The following MAN2A1 variants were observed in gnomAD, a reference collection of about 807,000 sequenced individuals.
MAN2A1 encodes the protein mannosidase alpha class 2A member 1, also known as alpha-mannosidase 2.
Under a neutral mutation model 142.6 loss-of-function variants are expected in MAN2A1, and 76 were observed. The observed-to-expected ratio is 0.53, with a 90% confidence interval of 0.44 to 0.65. The LOEUF (loss-of-function observed/expected upper bound fraction) is 0.65, where lower values mean the gene tolerates loss of function less well. Among genes scored for constraint, MAN2A1 ranks in the 30% least tolerant of loss-of-function variants. MAN2A1 has a pLI of 0.00. For synonymous variants in MAN2A1, 559 were observed against 473.2 expected (o/e 1.18, Z -2.35); for missense variants, 1,311 against 1,365.1 (o/e 0.96, Z 0.62).
chr5:109,804,274 T>C, intron 12 of MAN2A1: 4 of 987,506 alleles, frequency 4.1e-6, no homozygotes, highest in Non-Finnish European at 3.6e-6. Context: ...CTCACAACTT[T>C]GTGGTAAAAG....
At chr5:109,774,709 C>T in intron 7 of MAN2A1, 79 bp from the exon 8 acceptor site, 23 of 1,055,052 alleles carry the variant, frequency 2.2e-5, no homozygotes, top group South Asian at 7.8e-5. Context: ...TGGTTATTTC[C>T]TTTTTAATCA....
At chr5:109,828,034 G>A (rs1055612838) in intron 16 of MAN2A1, among the ~76,000 whole-genome samples, 6 of 151,834 alleles carry the variant, frequency 4.0e-5, no homozygotes, top group Non-Finnish European at 1.5e-5. Context: ...CAACGCAGGA[G>A]GCGGAGGTTG....
intron 1 of MAN2A1, among the ~76,000 whole-genome samples, chr5:109,709,901 T>C (rs1751247950): frequency 6.6e-6 from 1 of 152,224 alleles, no homozygotes; most frequent in Non-Finnish European, 1.5e-5. Flanking sequence ...AAGTATTCTT[T>C]GACTTCTCAG....
chr5:109,857,510 C>T (rs964201847), intron 20 of MAN2A1, among the ~76,000 whole-genome samples: 3 of 152,128 alleles, frequency 2.0e-5, no homozygotes, highest in Non-Finnish European at 4.4e-5. Context: ...GGGCGGTCAC[C>T]ATCCCTTAGC....
chr5:109,850,489 C>T (rs1292731609), intron 19 of MAN2A1, among the ~76,000 whole-genome samples: 1 of 152,100 alleles, frequency 6.6e-6, no homozygotes, highest in Non-Finnish European at 1.5e-5. Context: ...GAATTAGTAT[C>T]CACTTTAGAT....
At chr5:109,759,518 T>G (rs1349915512) in intron 5 of MAN2A1, among the ~76,000 whole-genome samples, 2 of 152,172 alleles carry the variant, frequency 1.3e-5, no homozygotes, top group Admixed American at 6.5e-5. Context: ...TTTGGGTTGC[T>G]TTCAGTTTTG....
intron 10 of MAN2A1, among the ~76,000 whole-genome samples, chr5:109,786,303 A>G (rs1375657947): frequency 6.6e-6 from 1 of 151,968 alleles, no homozygotes; most frequent in African/African-American, 2.4e-5. Flanking sequence ...TTTAAAAGTG[A>G]GACTGCTTAG....
intron 19 of MAN2A1, chr5:109,853,518 G>C (rs1327494633): frequency 2.0e-5 from 3 of 152,192 alleles, no homozygotes; most frequent in Admixed American, 1.3e-4. Context: ...GAAGTGTTCT[G>C]GCTACTCACT....
intron 4 of MAN2A1, among the ~76,000 whole-genome samples, chr5:109,734,192 T>G (rs1196810072): frequency 6.6e-6 from 1 of 151,684 alleles, no homozygotes; most frequent in Non-Finnish European, 1.5e-5. Context: ...TGTATTTCTG[T>G]GGGATCGGTG....
At chr5:109,736,964 C>T (rs1045578762) in intron 4 of MAN2A1, among the ~76,000 whole-genome samples, 2 of 152,082 alleles carry the variant, frequency 1.3e-5, no homozygotes, top group Admixed American at 6.6e-5. Context: ...AACTGTACTA[C>T]TGTTTTCTTT....
chr5:109,855,297 A>C lies in MAN2A1; in HGVS notation c.3134A>C (p.Asp1045Ala), dbSNP rs1561544951. The C allele has an allele frequency of 6.3e-7, 1 of 1,599,408 alleles. No homozygotes were observed. The highest frequency in any genetic ancestry group is 8.5e-7 in the Non-Finnish European group (1 of 1,175,456). The change falls in exon 20 of 22, where the codon GAC becomes GCC. Residue 1045 changes from aspartate to alanine, a missense_variant. Physicochemically the swap from Asp to Ala is moderately radical, Grantham distance 126 (BLOSUM62 -2). Coordinates refer to ENST00000261483, the MANE Select transcript of MAN2A1 (RefSeq NM_002372.4). ...FSPLQSSLPC[D>A]IHLVNLRTIQ... ...CCATTACAGTCATCTTTGCCTTGTG[A>C]CATTCATCTGGTTAATTTGAGAACA...
At chr5:109,779,458 T>TAA (rs1753386442) in intron 8 of MAN2A1, among the ~76,000 whole-genome samples, 1 of 152,144 alleles carries the variant, frequency 6.6e-6, no homozygotes, top group African/African-American at 2.4e-5. Context: ...GTCACTCTTA[T>TAA]TATTTATACT....
At chr5:109,731,022 A>G (rs971731832) in intron 4 of MAN2A1, among the ~76,000 whole-genome samples, 7 of 152,192 alleles carry the variant, frequency 4.6e-5, no homozygotes, top group Admixed American at 3.9e-4. Flanking sequence ...CCTTTATAAT[A>G]TACTTCGTTA....
intron 8 of MAN2A1, among the ~76,000 whole-genome samples, 166 bp downstream of exon 8, chr5:109,775,131 A>G (rs6873160): frequency 0.61 from 92,747 of 152,014 alleles, 28,811 homozygotes; most frequent in East Asian, 0.93. Flanking sequence ...ATTATATGCT[A>G]TAGTTCCATA....
chr5:109,703,929 A>G (rs1751057739), intron 1 of MAN2A1, among the ~76,000 whole-genome samples: 1 of 152,166 alleles, frequency 6.6e-6, no homozygotes, highest in Non-Finnish European at 1.5e-5. Context: ...ATAGGGCCAT[A>G]TGGTTCTAAT....
At chr5:109,748,916 C>G (rs951968820) in intron 4 of MAN2A1, among the ~76,000 whole-genome samples, 42 of 151,492 alleles carry the variant, frequency 2.8e-4, no homozygotes, top group African/African-American at 9.9e-4. Context: ...TCCCTGCCTA[C>G]TAGATATTCT....
At chr5:109,811,088 G>A (rs1413374598) in intron 12 of MAN2A1, among the ~76,000 whole-genome samples, 1 of 149,862 alleles carries the variant, frequency 6.7e-6, no homozygotes, top group East Asian at 2.0e-4. Context: ...TTACTTCATT[G>A]TATTTTTCAG....
intron 12 of MAN2A1, among the ~76,000 whole-genome samples, chr5:109,806,790 C>A (rs1187783566): frequency 6.6e-6 from 1 of 152,174 alleles, no homozygotes; most frequent in Admixed American, 6.5e-5. Context: ...TTTATATTTG[C>A]ATTTGATCAC....
chr5:109,736,917 T>C (rs1034036388), intron 4 of MAN2A1, among the ~76,000 whole-genome samples: 1 of 152,150 alleles, frequency 6.6e-6, no homozygotes, highest in African/African-American at 2.4e-5. Context: ...TTTTATATGC[T>C]ATTTTCTCAT....
Sources: gnomAD v4.1 joint callset for allele counts (sites outside exome capture counted in the v4.1 genomes callset) on GRCh38, gnomAD v4.1.1 for gene constraint, MANE v1.5 for transcripts, NCBI Gene and HGNC (gene_info 2026-07-23, HGNC 2026-07-21) for gene names.